The following FBXL17 variants were observed in gnomAD, a reference collection of about 807,000 sequenced individuals.
FBXL17 encodes F-box/LRR-repeat protein 17.
A neutral mutation model predicts 66.2 loss-of-function variants in FBXL17; 22 were observed. The observed-to-expected ratio is 0.33, with a 90% CI of 0.24 to 0.47. The LOEUF (loss-of-function observed/expected upper bound fraction) is 0.47, where lower values mean the gene tolerates loss of function less well. Among genes scored for constraint, FBXL17 ranks in the 20% least tolerant of loss-of-function variants. The pLI is 1.00. For missense variants in FBXL17, 878 were observed against 948.2 expected, an observed-to-expected ratio of 0.93 and a Z score of 0.97; for synonymous variants, 474 against 400.5, an observed-to-expected ratio of 1.18 and a Z score of -2.19.
At chr5:107,971,832 T>C (rs1430666251) in intron 7 of FBXL17, among the ~76,000 whole-genome samples, 3 of 152,180 alleles carry the variant, frequency 2.0e-5, no homozygotes, top group Non-Finnish European at 4.4e-5. Flanking sequence ...TCAGCTCACA[T>C]GCCATCTCCC....
intron 7 of FBXL17, among the ~76,000 whole-genome samples, chr5:107,889,154 C>CCTT (rs1749110179): frequency 6.6e-6 from 1 of 152,060 alleles, no homozygotes; most frequent in Non-Finnish European, 1.5e-5. Flanking sequence ...GTGCCTCTAC[C>CCTT]CTTGTAATAC....
intron 4 of FBXL17, among the ~76,000 whole-genome samples, chr5:108,231,610 A>G (rs1220358506): frequency 6.6e-6 from 1 of 152,104 alleles, no homozygotes; most frequent in Non-Finnish European, 1.5e-5. Flanking sequence ...GTTCCAGAGG[A>G]AACACTGCCA....
At chr5:108,324,528 C>A (rs115979508) in intron 4 of FBXL17, among the ~76,000 whole-genome samples, 2,595 of 152,080 alleles carry the variant, frequency 0.017, 86 homozygotes, top group African/African-American at 0.06. Context: ...AACAGTATGG[C>A]AGCTCCTAAA....
At chr5:107,876,637 T>G (rs1433455366) in intron 8 of FBXL17, among the ~76,000 whole-genome samples, 1 of 152,194 alleles carries the variant, frequency 6.6e-6, no homozygotes, top group Non-Finnish European at 1.5e-5. Flanking sequence ...TCCCTTCTCA[T>G]CAACCTTGTC....
intron 6 of FBXL17, among the ~76,000 whole-genome samples, chr5:108,118,985 C>CT (rs1253974348): frequency 6.6e-6 from 1 of 151,974 alleles, no homozygotes; most frequent in Non-Finnish European, 1.5e-5. Context: ...TACATATTTC[C>CT]TTTTTTTTCT....
intron 4 of FBXL17, among the ~76,000 whole-genome samples, chr5:108,262,539 T>C (rs1756881425): frequency 6.6e-6 from 1 of 152,190 alleles, no homozygotes; most frequent in African/African-American, 2.4e-5. Flanking sequence ...CGTGATTTTT[T>C]ACAAGTGGGA....
At chr5:107,999,568 C>T (rs1753633928) in intron 7 of FBXL17, among the ~76,000 whole-genome samples, 1 of 151,284 alleles carries the variant, frequency 6.6e-6, no homozygotes, top group African/African-American at 2.4e-5. Context: ...CAAAGCCCCA[C>T]CACTTTCAAC....
intron 4 of FBXL17, among the ~76,000 whole-genome samples, chr5:108,338,658 T>C (rs907158488): frequency 8.6e-5 from 13 of 151,962 alleles, no homozygotes; most frequent in Middle Eastern, 3.4e-3. Flanking sequence ...AGAAGAAGGG[T>C]TGGGAAAAAA....
chr5:108,179,932 G>A (rs562373547), intron 6 of FBXL17, among the ~76,000 whole-genome samples: 1 of 152,218 alleles, frequency 6.6e-6, no homozygotes, highest in Non-Finnish European at 1.5e-5. Context: ...AGTTTGGTGG[G>A]AAGAGTGGAT....
At chr5:108,106,019 G>C (rs972921796) in intron 6 of FBXL17, among the ~76,000 whole-genome samples, 1 of 152,200 alleles carries the variant, frequency 6.6e-6, no homozygotes, top group Admixed American at 6.5e-5. Flanking sequence ...TTAAATAGGG[G>C]GAAACTGAAG....
chr5:108,329,806 C>T (rs72793332), intron 4 of FBXL17, among the ~76,000 whole-genome samples: 2,425 of 152,146 alleles, frequency 0.016, 27 homozygotes, highest in Middle Eastern at 0.024. Context: ...AATTCTTACT[C>T]TTAAAACACA....
chr5:108,089,970 G>A (rs1430087125), intron 6 of FBXL17, among the ~76,000 whole-genome samples: 2 of 152,012 alleles, frequency 1.3e-5, no homozygotes, highest in African/African-American at 4.8e-5. Flanking sequence ...TGGGACTGCA[G>A]GTGTGTGCCA....
intron 5 of FBXL17, among the ~76,000 whole-genome samples, chr5:108,209,442 G>T (rs1410988896): frequency 6.6e-6 from 1 of 152,060 alleles, no homozygotes; most frequent in Non-Finnish European, 1.5e-5. Context: ...TACTCACTGT[G>T]GGTTTGTCAT....
intron 4 of FBXL17, among the ~76,000 whole-genome samples, chr5:108,224,592 TTTTTG>T (rs1177824998): frequency 6.6e-6 from 1 of 151,616 alleles, no homozygotes; most frequent in African/African-American, 2.4e-5. Flanking sequence ...GTTTTGGGGT[TTTTTG>T]TTTTGTTTTG....
chr5:107,895,097 T>C (rs1461727210), intron 7 of FBXL17, among the ~76,000 whole-genome samples: 1 of 152,136 alleles, frequency 6.6e-6, no homozygotes, highest in Non-Finnish European at 1.5e-5. Flanking sequence ...ACAATTCTCA[T>C]GGTTGTTTTC....
intron 7 of FBXL17, among the ~76,000 whole-genome samples, chr5:108,007,972 C>T (rs1048051383): frequency 3.9e-5 from 6 of 152,102 alleles, no homozygotes; most frequent in Admixed American, 3.3e-4. Context: ...CATATTCATG[C>T]GCATTCCCTG....
intron 6 of FBXL17, among the ~76,000 whole-genome samples, chr5:108,060,470 T>C (rs1198296647): frequency 2.0e-5 from 3 of 152,176 alleles, no homozygotes. Flanking sequence ...ATATATTTTT[T>C]ACACCAGGCA....
At chr5:108,362,800 C>A (rs533830981) in intron 3 of FBXL17, among the ~76,000 whole-genome samples, 1 of 151,868 alleles carries the variant, frequency 6.6e-6, no homozygotes, top group Non-Finnish European at 1.5e-5. Flanking sequence ...ATTTGGTATC[C>A]GCTAAAGTCA....
At chr5:108,303,564 C>G (rs1758698784) in intron 4 of FBXL17, among the ~76,000 whole-genome samples, 2 of 151,880 alleles carry the variant, frequency 1.3e-5, no homozygotes, top group Admixed American at 1.3e-4. Context: ...CATATGTATT[C>G]TGAAGACTTT....
Sources: allele counts gnomAD v4.1 joint callset (sites outside exome capture counted in the v4.1 genomes callset), GRCh38; gene constraint gnomAD v4.1.1; transcripts MANE v1.5; gene names NCBI Gene and HGNC (gene_info 2026-07-23, HGNC 2026-07-21).